The following LARGE1 variants were observed in gnomAD, a reference collection of about 807,000 sequenced individuals.
LARGE1 encodes the protein xylosyl- and glucuronyltransferase LARGE1.
In LARGE1, 43 loss-of-function variants were observed where a neutral mutation model predicts 87.6. The ratio of observed to expected loss-of-function variants is 0.49; its 90% CI spans 0.38 to 0.63. The LOEUF (loss-of-function observed/expected upper bound fraction) is 0.63, where lower values mean the gene tolerates loss of function less well. Among genes scored for constraint, LARGE1 ranks in the 30% least tolerant of loss-of-function variants. LARGE1 has a pLI of 0.00. For missense variants in LARGE1, 802 were observed against 1,000.2 expected, an observed-to-expected ratio of 0.80 and a Z score of 2.67; for synonymous variants, 434 against 394.6, an observed-to-expected ratio of 1.10 and a Z score of -1.18.
chr22:33,650,211 G>C (rs542758706), intron 3 of LARGE1, among the ~76,000 whole-genome samples, 156 bp downstream of exon 3: 5 of 152,174 alleles, frequency 3.3e-5, no homozygotes, highest in African/African-American at 7.2e-5. Context: ...TCAGACCATT[G>C]AGCAAAGTTA....
intron 2 of LARGE1, among the ~76,000 whole-genome samples, chr22:33,722,640 G>A (rs893695693): frequency 3.3e-5 from 5 of 152,122 alleles, no homozygotes; most frequent in African/African-American, 1.2e-4. Context: ...AGTCACAGCA[G>A]AAGGCACGTT....
At chr22:33,714,329 G>A (rs528816681) in intron 2 of LARGE1, among the ~76,000 whole-genome samples, 3 of 152,324 alleles carry the variant, frequency 2.0e-5, no homozygotes, top group African/African-American at 7.2e-5. Context: ...CAGCTCTAGA[G>A]GCAGATAAGG....
intron 1 of LARGE1, among the ~76,000 whole-genome samples, chr22:33,855,620 T>A (rs1462674252): frequency 1.3e-5 from 2 of 152,162 alleles, no homozygotes; most frequent in East Asian, 3.9e-4. Flanking sequence ...CTTGGTCCTG[T>A]GCTTCTGGGA....
intron 6 of LARGE1, among the ~76,000 whole-genome samples, chr22:33,562,273 A>G (rs1431067770): frequency 3.3e-5 from 5 of 152,106 alleles, no homozygotes; most frequent in African/African-American, 1.2e-4. Flanking sequence ...TCACCTCTGT[A>G]TTTTTCCAGA....
intron 2 of LARGE1, among the ~76,000 whole-genome samples, chr22:33,723,581 TAATCAACA>T (rs939388439): frequency 2.6e-5 from 4 of 152,154 alleles, no homozygotes; most frequent in African/African-American, 9.7e-5. Flanking sequence ...CATATGAAGT[TAATCAACA>T]AATCAAGGGA....
intron 1 of LARGE1, among the ~76,000 whole-genome samples, chr22:33,805,911 GATT>G (rs1368046458): frequency 1.3e-5 from 2 of 152,026 alleles, no homozygotes; most frequent in African/African-American, 2.4e-5. Context: ...TACATTTTAT[GATT>G]ATTATTTTTT....
At chr22:33,904,830 A>G (rs771308089) in intron 1 of LARGE1, among the ~76,000 whole-genome samples, 2 of 152,182 alleles carry the variant, frequency 1.3e-5, no homozygotes, top group Non-Finnish European at 2.9e-5. Flanking sequence ...AGTTTCATCA[A>G]CATTTAAAGG....
At chr22:33,522,291 G>C (rs760341901) in intron 6 of LARGE1, among the ~76,000 whole-genome samples, 2 of 152,198 alleles carry the variant, frequency 1.3e-5, no homozygotes, top group East Asian at 3.8e-4. Context: ...TCTGTCACAG[G>C]CATTTTGTAG....
At chr22:33,530,227 T>G (rs2072128978) in intron 6 of LARGE1, among the ~76,000 whole-genome samples, 1 of 151,996 alleles carries the variant, frequency 6.6e-6, no homozygotes, top group Non-Finnish European at 1.5e-5. Context: ...AACTATGAAG[T>G]GGAAAGCATG....
chr22:33,181,827 CTTTTT>C (rs56347007), intron 11 of LARGE1, among the ~76,000 whole-genome samples: 40,222 of 128,350 alleles, frequency 0.31, 6,897 homozygotes, highest in Non-Finnish European at 0.4. Context: ...TATGCCTGGC[CTTTTT>C]TTTTTTTTTT....
intron 4 of LARGE1, among the ~76,000 whole-genome samples, chr22:33,609,709 A>C (rs955247105): frequency 2.0e-5 from 3 of 152,054 alleles, no homozygotes; most frequent in Admixed American, 6.6e-5. Flanking sequence ...TCCCCATCCA[A>C]ATCTTATGTT....
intron 6 of LARGE1, among the ~76,000 whole-genome samples, chr22:33,468,298 A>G (rs1227401175): frequency 1.3e-5 from 2 of 152,078 alleles, no homozygotes; most frequent in African/African-American, 4.8e-5. Flanking sequence ...GCTGTCACTC[A>G]AAGTTAACAT....
At chr22:33,616,249 G>A (rs1380123960) in intron 4 of LARGE1, among the ~76,000 whole-genome samples, 4 of 152,194 alleles carry the variant, frequency 2.6e-5, no homozygotes, top group African/African-American at 9.6e-5. Context: ...GCTCATGCCT[G>A]TAATCCCAGC....
chr22:33,590,885 T>C (rs1040347881), intron 5 of LARGE1, among the ~76,000 whole-genome samples: 1 of 152,168 alleles, frequency 6.6e-6, no homozygotes, highest in Non-Finnish European at 1.5e-5. Context: ...CTAGGTCATA[T>C]TGTGAGTTAT....
chr22:33,849,154 G>A (rs1194510433), intron 1 of LARGE1, among the ~76,000 whole-genome samples: 2 of 152,186 alleles, frequency 1.3e-5, no homozygotes, highest in African/African-American at 4.8e-5. Context: ...TGTGTCATCA[G>A]TCTCATCAAT....
chr22:33,590,551 C>T (rs2078806667), intron 5 of LARGE1, among the ~76,000 whole-genome samples: 1 of 152,188 alleles, frequency 6.6e-6, no homozygotes, highest in South Asian at 2.1e-4. Flanking sequence ...CCTGGTGTCC[C>T]TTGCTAGGCA....
At chr22:33,068,538 G>A in the LARGE1 span, among the ~76,000 whole-genome samples, 1 of 152,090 alleles carries the variant, frequency 6.6e-6, no homozygotes, top group East Asian at 1.9e-4. Context: ...CCAGCTACTT[G>A]GGAGGCTGAG....
chr22:33,569,111 C>A (rs776419058), intron 5 of LARGE1, among the ~76,000 whole-genome samples: 1 of 152,190 alleles, frequency 6.6e-6, no homozygotes, highest in Non-Finnish European at 1.5e-5. Context: ...AAAGCCCTGG[C>A]CTTTGGAGCT....
At chr22:33,415,443 T>C (rs1281782590) in intron 7 of LARGE1, among the ~76,000 whole-genome samples, 4 of 152,160 alleles carry the variant, frequency 2.6e-5, no homozygotes, top group African/African-American at 9.6e-5. Context: ...TGCATACATA[T>C]TCTCTCCTGT....
Sources: allele counts gnomAD v4.1 joint callset (sites outside exome capture counted in the v4.1 genomes callset), GRCh38; gene constraint gnomAD v4.1.1; transcripts MANE v1.5; gene names NCBI Gene and HGNC (gene_info 2026-07-23, HGNC 2026-07-21).